Variants in AGBL1 observed in about 807,000 individuals in gnomAD.
The protein encoded by AGBL1 is AGBL carboxypeptidase 1.
AGBL1 carries 130 observed loss-of-function variants against 118.9 expected under a neutral mutation model. That is an observed-to-expected ratio of 1.09 (90% confidence interval 0.95 to 1.26). The LOEUF (loss-of-function observed/expected upper bound fraction) is 1.26, where lower values mean the gene tolerates loss of function less well. AGBL1 is among the 50% of genes most tolerant of loss of function. The pLI is 0.00. For missense variants in AGBL1, 1,584 were observed against 1,298.1 expected, an observed-to-expected ratio of 1.22 and a Z score of -3.38; for synonymous variants, 555 against 478.9, an observed-to-expected ratio of 1.16 and a Z score of -2.08.
intron 17 of AGBL1, chr15:86,296,838 T>C (rs1209721641): frequency 6.6e-6 from 1 of 152,178 alleles, no homozygotes; most frequent in Non-Finnish European, 1.5e-5. Context: ...GTAACTTTCA[T>C]TGAACAATTA....
At chr15:86,529,301 C>T (rs1370275556) in intron 19 of AGBL1, among the ~76,000 whole-genome samples, 2 of 134,294 alleles carry the variant, frequency 1.5e-5, no homozygotes, top group Admixed American at 6.9e-5. Flanking sequence ...TCGAGAACTA[C>T]GTGAAGAATG....
At chr15:86,300,167 A>G (rs1259693325) in intron 17 of AGBL1, among the ~76,000 whole-genome samples, 3 of 152,112 alleles carry the variant, frequency 2.0e-5, no homozygotes, top group Non-Finnish European at 2.9e-5. Flanking sequence ...TATTACCCAG[A>G]AATGCACACA....
downstream of AGBL1, among the ~76,000 whole-genome samples, chr15:86,919,065 G>A (rs556873366): frequency 8.5e-5 from 13 of 152,252 alleles, no homozygotes; most frequent in South Asian, 6.2e-4. Flanking sequence ...GCAGACTTAC[G>A]CTCAGAGATC....
intron 24 of AGBL1, among the ~76,000 whole-genome samples, chr15:86,992,572 G>T (rs1226821240): frequency 6.6e-6 from 1 of 152,110 alleles, no homozygotes; most frequent in Non-Finnish European, 1.5e-5. Flanking sequence ...TATTGGCTAG[G>T]TATTGGCACT....
At chr15:86,388,606 A>C (rs941666395) in intron 17 of AGBL1, among the ~76,000 whole-genome samples, 1 of 152,146 alleles carries the variant, frequency 6.6e-6, no homozygotes, top group African/African-American at 2.4e-5. Flanking sequence ...CTTCCAATTC[A>C]TACTTTACAT....
chr15:86,625,046 G>A (rs1285509302), intron 21 of AGBL1, among the ~76,000 whole-genome samples: 1 of 152,152 alleles, frequency 6.6e-6, no homozygotes, highest in South Asian at 2.1e-4. Context: ...CCACACCCAC[G>A]CAGCACCGGC....
intron 18 of AGBL1, among the ~76,000 whole-genome samples, chr15:86,491,096 G>A (rs2082771706): frequency 6.6e-6 from 1 of 152,040 alleles, no homozygotes; most frequent in South Asian, 2.1e-4. Context: ...ATATAAGAAC[G>A]AGTTCTATAT....
At chr15:86,653,166 A>AT (rs1555434276) in intron 21 of AGBL1, among the ~76,000 whole-genome samples, 1 of 151,478 alleles carries the variant, frequency 6.6e-6, no homozygotes, top group African/African-American at 2.4e-5. Context: ...TCAAATGCAA[A>AT]CCAAAATGAG....
Position 86,911,221 on chromosome 15 carries a change from G to C in AGBL1, c.*3927G>C, listed in dbSNP as rs1319786973. 3 of 153,006 alleles carry C rather than the reference G, an allele frequency of 2.0e-5. No individual in the cohort carries two copies. The highest frequency in any genetic ancestry group is 4.4e-5 in the Non-Finnish European group (3 of 68,708). The allele number at this position is 153,006 out of a possible 1,614,324, so 9.5% of individuals were successfully genotyped here. A position where few individuals can be genotyped will look rare whatever the true frequency, so the allele number is the denominator to read the frequency against. ...CCAACTGTCATCCGGTGCTCTGCATGCAGGACTGGAACTGGGGCTGAGGGG... is the reference window on the plus strand; with the variant it reads ...CCAACTGTCATCCGGTGCTCTGCATCCAGGACTGGAACTGGGGCTGAGGGG... On this transcript the variant is annotated 3_prime_UTR_variant, in exon 23 of 23. Coordinates refer to ENST00000614907, the MANE Select transcript of AGBL1 (RefSeq NM_001386094.1).
chr15:86,591,887 C>T (rs1445300875), intron 21 of AGBL1, among the ~76,000 whole-genome samples: 1 of 152,132 alleles, frequency 6.6e-6, no homozygotes, highest in East Asian at 1.9e-4. Flanking sequence ...CAGCTGCCAT[C>T]CTGAAGCTAC....
chr15:86,441,648 G>C (rs768726849), intron 18 of AGBL1, among the ~76,000 whole-genome samples: 5 of 152,206 alleles, frequency 3.3e-5, no homozygotes, highest in Non-Finnish European at 5.9e-5. Flanking sequence ...ACTTGGACAG[G>C]GGGCATTGTA....
chr15:86,816,265 G>A (rs2078857342), intron 22 of AGBL1, among the ~76,000 whole-genome samples: 1 of 152,200 alleles, frequency 6.6e-6, no homozygotes, highest in African/African-American at 2.4e-5. Context: ...AGAGCCTTCT[G>A]TCATATCAGA....
intron 5 of AGBL1, among the ~76,000 whole-genome samples, chr15:86,223,510 G>A (rs1046600556): frequency 1.3e-5 from 2 of 152,106 alleles, no homozygotes; most frequent in African/African-American, 2.4e-5. Context: ...CATGTGTTCC[G>A]TTTTCAATCC....
chr15:86,851,777 A>G (rs1265851167), intron 22 of AGBL1, among the ~76,000 whole-genome samples: 1 of 152,132 alleles, frequency 6.6e-6, no homozygotes, highest in East Asian at 1.9e-4. Context: ...GGGGTCCCTG[A>G]GAAGTGTGCA....
At chr15:86,549,244 A>C (rs1662218491) in intron 20 of AGBL1, among the ~76,000 whole-genome samples, 1 of 152,070 alleles carries the variant, frequency 6.6e-6, no homozygotes, top group African/African-American at 2.4e-5. Context: ...GTGAGAAAGA[A>C]AGTCCAAAGA....
intron 17 of AGBL1, among the ~76,000 whole-genome samples, chr15:86,362,888 G>T (rs1384385942): frequency 6.6e-6 from 1 of 152,242 alleles, no homozygotes; most frequent in African/African-American, 2.4e-5. Context: ...CTGGCAGGAT[G>T]AAGCTTGGAG....
chr15:86,292,909 A>G (rs1380388022), intron 16 of AGBL1, among the ~76,000 whole-genome samples: 1 of 152,208 alleles, frequency 6.6e-6, no homozygotes, highest in Non-Finnish European at 1.5e-5. Flanking sequence ...AGGTTGGGGA[A>G]TAATAGTCAT....
At chr15:86,710,079 G>T (rs538941478) in intron 22 of AGBL1, among the ~76,000 whole-genome samples, 1 of 152,148 alleles carries the variant, frequency 6.6e-6, no homozygotes, top group African/African-American at 2.4e-5. Context: ...ATTTGGAGGG[G>T]ATGTGCTAGA....
chr15:86,427,815 C>T (rs1262616864), intron 18 of AGBL1, among the ~76,000 whole-genome samples: 1 of 152,164 alleles, frequency 6.6e-6, no homozygotes, highest in East Asian at 1.9e-4. Flanking sequence ...TTCTTCCCAG[C>T]TGTGTCTTCT....
Sources: gnomAD v4.1 joint callset for allele counts (sites outside exome capture counted in the v4.1 genomes callset) on GRCh38, gnomAD v4.1.1 for gene constraint, MANE v1.5 for transcripts, NCBI Gene and HGNC (gene_info 2026-07-23, HGNC 2026-07-21) for gene names.